AP3B1: variants seen among roughly 807,000 people sequenced by gnomAD.
AP3B1 encodes AP-3 complex subunit beta-1.
A neutral mutation model predicts 132.5 loss-of-function variants in AP3B1; 61 were observed. That is an observed-to-expected ratio of 0.46 (90% CI 0.37 to 0.57). The LOEUF (loss-of-function observed/expected upper bound fraction) is 0.57, where lower values mean the gene tolerates loss of function less well. AP3B1 is among the 20% of genes least tolerant of loss of function. The probability of loss-of-function intolerance (pLI) is 0.00; values close to 1 mark genes in which losing one functional copy is unlikely to be tolerated. For synonymous variants in AP3B1, 388 were observed against 438.3 expected (o/e 0.89, Z 1.43); for missense variants, 1,120 against 1,289.4 (o/e 0.87, Z 2.01).
At position 78,039,083 on chromosome 5, in the gene AP3B1, T is replaced by G. The variant is rs201179527; in HGVS notation, c.2769A>C (p.Lys923Asn). 606 of 1,608,530 alleles carry G rather than the reference T, an allele frequency of 3.8e-4. 7 individuals are homozygous for G. The South Asian group carries it at 6.4e-3, about 17-fold the overall frequency. ...KIENIHIGEK[K>N]LPIGMKMHVF... ...CATGCATTTTCATGCCTATAGGAAG[T>G]TTTTTTTCCCCTATGTGGATATTTT... Residue 923 changes from lysine (K) to asparagine (N), a missense_variant, in exon 23 of 27, where the codon AAA becomes AAC. Lys to Asn is a moderately conservative substitution (Grantham distance 94). Transcript: ENST00000255194.
chr5:78,123,628 C>G (rs866552739), intron 17 of AP3B1, among the ~76,000 whole-genome samples: 4 of 152,058 alleles, frequency 2.6e-5, no homozygotes, highest in South Asian at 2.1e-4. Context: ...CAGAGAAATG[C>G]AAATCAAAAC....
At chr5:78,281,562 A>G (rs1749057923) in intron 1 of AP3B1, among the ~76,000 whole-genome samples, 1 of 151,942 alleles carries the variant, frequency 6.6e-6, no homozygotes, top group African/African-American at 2.4e-5. Context: ...AACATATCCT[A>G]TTGACCAAAC....
chr5:78,004,846 T>C (rs1746325268), intron 26 of AP3B1, among the ~76,000 whole-genome samples: 1 of 152,224 alleles, frequency 6.6e-6, no homozygotes, highest in Non-Finnish European at 1.5e-5. Context: ...CCAATGTTTT[T>C]AAAGAGGTTT....
At chr5:78,173,065 G>A (rs967937585) in intron 11 of AP3B1, among the ~76,000 whole-genome samples, 19 of 152,204 alleles carry the variant, frequency 1.2e-4, no homozygotes, top group Admixed American at 8.5e-4. Flanking sequence ...ACGCAGTTGT[G>A]CAGTTTTGAG....
intron 21 of AP3B1, 66 bp from the exon 22 acceptor site, chr5:78,089,565 TTTTTA>T (rs1379257796): frequency 1.2e-5 from 12 of 1,041,604 alleles, no homozygotes; most frequent in Non-Finnish European, 1.8e-5. Flanking sequence ...AAAAGCAACA[TTTTTA>T]TTTTGTTAGT....
chr5:78,279,912 A>ATG (rs1748977689), intron 1 of AP3B1, among the ~76,000 whole-genome samples: 1 of 143,456 alleles, frequency 7.0e-6, no homozygotes, highest in Non-Finnish European at 1.5e-5. Flanking sequence ...ACTTAAATAT[A>ATG]TATATATATA....
At chr5:78,109,508 T>C (rs1220709641) in intron 20 of AP3B1, among the ~76,000 whole-genome samples, 2 of 152,140 alleles carry the variant, frequency 1.3e-5, no homozygotes, top group Non-Finnish European at 2.9e-5. Context: ...AATACTATAC[T>C]TGAAGTCTAG....
At chr5:78,277,345 A>G (rs1189606506) in intron 1 of AP3B1, among the ~76,000 whole-genome samples, 1 of 152,210 alleles carries the variant, frequency 6.6e-6, no homozygotes, top group East Asian at 1.9e-4. Context: ...AAATTTTAAC[A>G]AACAAGGAAT....
At chr5:78,095,546 GT>G (rs1750734693) in intron 21 of AP3B1, among the ~76,000 whole-genome samples, 1 of 152,126 alleles carries the variant, frequency 6.6e-6, no homozygotes, top group Non-Finnish European at 1.5e-5. Context: ...CCTTCACAAG[GT>G]TTTTGTAGTT....
chr5:78,168,226 CTT>C (rs111663014), intron 11 of AP3B1, among the ~76,000 whole-genome samples: 42 of 127,940 alleles, frequency 3.3e-4, no homozygotes, highest in Non-Finnish European at 4.1e-4. Flanking sequence ...TTTCTTTTTT[CTT>C]TTTTTTTTTT....
intron 26 of AP3B1, among the ~76,000 whole-genome samples, chr5:78,013,746 C>T (rs191658358): frequency 6.6e-5 from 10 of 152,210 alleles, no homozygotes; most frequent in African/African-American, 2.4e-4. Flanking sequence ...TACTCTTTTC[C>T]CTATTGAACA....
Position 78,216,204 on chromosome 5 carries a change from C to T in AP3B1, c.637G>A (p.Glu213Lys). The T allele has an allele frequency of 6.2e-7, 1 of 1,613,944 alleles. No individual in the cohort carries two copies. The highest frequency in any genetic ancestry group is 8.5e-7 in the Non-Finnish European group (1 of 1,179,916). ...AGATCTATTCTGTCCGGGCATACTT[C>T]TTCAAAAGCCATCACAACACTGCCA... ...VAGSVVMAFE[E>K]VCPDRIDLIH... Residue 213 changes from glutamate to lysine, a missense_variant, in exon 7 of 27, where the codon GAA becomes AAA. Glu to Lys is a moderately conservative substitution (Grantham distance 56). This residue lies in a region of AP3B1 where 129 missense variants were observed against 212.4 expected (regional missense o/e 0.61). Coordinates refer to ENST00000255194, the MANE Select transcript of AP3B1 (RefSeq NM_003664.5).
At chr5:78,110,018 A>C (rs753865308) in intron 20 of AP3B1, among the ~76,000 whole-genome samples, 189 bp downstream of exon 20, 3 of 152,198 alleles carry the variant, frequency 2.0e-5, no homozygotes, top group Admixed American at 6.5e-5. Context: ...CATATGCGTA[A>C]GAGTTCCTTG....
chr5:78,140,707 T>C (rs1275385183), intron 15 of AP3B1, among the ~76,000 whole-genome samples: 1 of 152,204 alleles, frequency 6.6e-6, no homozygotes, highest in Non-Finnish European at 1.5e-5. Flanking sequence ...TTCAGACCAT[T>C]GTACCTGCCA....
rs529751949 is a variant in AP3B1 at position 78,274,307 on chromosome 5, G to A, written c.129-6712C>T. Among the ~76,000 whole-genome samples the A allele has an allele frequency of 4.0e-5, 6 of 151,568 alleles. No individual in the cohort carries two copies. The South Asian group carries it at 6.3e-4, about 16-fold the overall frequency. On this transcript the variant is annotated intron_variant, in intron 1 of 26. Coordinates refer to ENST00000255194, the MANE Select transcript of AP3B1 (RefSeq NM_003664.5). ...GAAATGGGAGAAAAAAAGGATTATC[G>A]AACTTGAAGGCAGGTCAAGAGAAAA... is the stretch of plus-strand genomic sequence containing the variant.
intron 1 of AP3B1, among the ~76,000 whole-genome samples, chr5:78,279,024 A>G (rs1748922521): frequency 6.6e-6 from 1 of 152,162 alleles, no homozygotes; most frequent in Admixed American, 6.5e-5. Flanking sequence ...AAAGATTAAA[A>G]TGGTATCATA....
chr5:78,282,411 T>G (rs1475860933), intron 1 of AP3B1, among the ~76,000 whole-genome samples: 1 of 152,188 alleles, frequency 6.6e-6, no homozygotes, highest in Non-Finnish European at 1.5e-5. Flanking sequence ...AATACACTTT[T>G]TACTCCTTTG....
chr5:78,062,577 G>A (rs1325316321), intron 22 of AP3B1, among the ~76,000 whole-genome samples: 2 of 152,008 alleles, frequency 1.3e-5, no homozygotes, highest in Admixed American at 6.6e-5. Context: ...TGACATTTCC[G>A]TATAGCAGTG....
At chr5:78,036,313 C>T (rs558967451) in intron 23 of AP3B1, among the ~76,000 whole-genome samples, 6 of 152,126 alleles carry the variant, frequency 3.9e-5, no homozygotes, top group Non-Finnish European at 7.4e-5. Flanking sequence ...GCCGACTAAA[C>T]TGGGAAAGCT....
Sources: allele counts gnomAD v4.1 joint callset (sites outside exome capture counted in the v4.1 genomes callset), GRCh38; gene constraint gnomAD v4.1.1; regional missense constraint gnomAD v4.1.1; transcripts MANE v1.5; gene names NCBI Gene and HGNC (gene_info 2026-07-23, HGNC 2026-07-21).